Variants in RIOK2 observed in about 807,000 individuals in gnomAD.
RIOK2 encodes RIO kinase 2, also known as serine/threonine-protein kinase RIO2.
In RIOK2, 46 loss-of-function variants were observed where a neutral mutation model predicts 62.4. The observed-to-expected ratio is 0.74, with a 90% CI of 0.58 to 0.94. The LOEUF (loss-of-function observed/expected upper bound fraction) is 0.94. RIOK2 is among the 40% of genes least tolerant of loss of function. The pLI is 0.00. For missense variants in RIOK2, 574 were observed against 658.0 expected (o/e 0.87, Z 1.40); for synonymous variants, 197 against 216.0 (o/e 0.91, Z 0.77).
chr5:97,174,379 C>T (rs956950335), intron 4 of RIOK2, among the ~76,000 whole-genome samples: 3 of 152,182 alleles, frequency 2.0e-5, no homozygotes, highest in Admixed American at 2.0e-4. Flanking sequence ...GATATCGTGC[C>T]ACTGCATTCT....
intron 7 of RIOK2, among the ~76,000 whole-genome samples, chr5:97,168,250 T>C (rs1280727088): frequency 1.3e-5 from 2 of 152,238 alleles, no homozygotes; most frequent in Non-Finnish European, 2.9e-5. Context: ...CCTCAGCTTA[T>C]GTTTATTAAC....
At chr5:97,182,780 G>GT (rs1409325916) in intron 1 of RIOK2, 8 of 34,290 alleles carry the variant, frequency 2.3e-4, no homozygotes, top group African/African-American at 4.9e-4. Context: ...TCAAATCTCG[G>GT]GGGGGGGGGG....
intron 8 of RIOK2, chr5:97,166,247 A>G (rs1415670283): frequency 6.7e-6 from 3 of 449,980 alleles, no homozygotes; most frequent in South Asian, 4.7e-5. Context: ...TGAAGAATCC[A>G]GTCTAATACA....
At chr5:97,164,829 G>T in intron 9 of RIOK2, 1 of 348,488 alleles carries the variant, frequency 2.9e-6, no homozygotes, top group Non-Finnish European at 5.1e-6. Context: ...AAGTCATTTG[G>T]CCTTCATTTT....
At chr5:97,166,378 G>A in intron 8 of RIOK2, 1 of 437,194 alleles carries the variant, frequency 2.3e-6, no homozygotes, top group Admixed American at 2.6e-5. Flanking sequence ...ACAGCTATAT[G>A]AAAAAGGAAC....
At chr5:97,178,882 TG>T in intron 2 of RIOK2, 172 bp downstream of exon 2, 1 of 718,182 alleles carries the variant, frequency 1.4e-6, no homozygotes, top group Non-Finnish European at 2.4e-6. Flanking sequence ...TCCTTTGATC[TG>T]GGTGTGCCCT....
rs1561523765 is a variant in RIOK2, at chr5:97,183,186, C to T, written c.6G>A (p.Gly2=). 2.5e-6 allele frequency: 4 copies of T among 1,614,146 alleles called. No individual in the cohort carries two copies. Among genetic ancestry groups the T allele is most frequent in the Non-Finnish European group, 3.4e-6 (4 of 1,179,980 alleles). ...AACGCAACTTGGCCACATTCACTTT[C>T]CCCATGGCGGCCCCAGTCCGAACCC... is the stretch of plus-strand genomic sequence containing the variant. M[G]KVNVAKLRYM... is the part of the protein sequence containing the mutation. The change falls in exon 1 of 10, where the codon GGG becomes GGA. Residue 2 remains glycine, a synonymous_variant. Coordinates refer to ENST00000283109, the MANE Select transcript of RIOK2 (RefSeq NM_018343.3).
chr5:97,170,576 T>G (rs1169313552), intron 6 of RIOK2, among the ~76,000 whole-genome samples: 8 of 152,320 alleles, frequency 5.3e-5, no homozygotes, highest in Middle Eastern at 3.4e-3. Flanking sequence ...TCCCTACTTT[T>G]ACCTGTTTTA....
chr5:97,180,030 AT>A (rs1749328585), intron 1 of RIOK2, among the ~76,000 whole-genome samples: 2 of 71,264 alleles, frequency 2.8e-5, no homozygotes, highest in African/African-American at 5.3e-5. Context: ...TATATATAAT[AT>A]ATATATTATA....
At chr5:97,170,586 A>G (rs1036433325) in intron 6 of RIOK2, among the ~76,000 whole-genome samples, 2 of 152,326 alleles carry the variant, frequency 1.3e-5, no homozygotes, top group African/African-American at 4.8e-5. Context: ...TACCTGTTTT[A>G]ACAATTGGTC....
chr5:97,178,782 G>A (rs1749252726), intron 2 of RIOK2: 2 of 447,844 alleles, frequency 4.5e-6, no homozygotes, highest in Non-Finnish European at 8.0e-6. Flanking sequence ...TACTCTACAT[G>A]CTCTTCTGCA....
At chr5:97,168,094 A>G (rs1421863333) in intron 7 of RIOK2, 103 bp from the exon 8 acceptor site, 3 of 1,160,348 alleles carry the variant, frequency 2.6e-6, no homozygotes, top group Admixed American at 3.1e-5. Flanking sequence ...TGAGTTTAAT[A>G]GCTTATATGT....
At chr5:97,173,514 C>T (rs936156704) in intron 4 of RIOK2, among the ~76,000 whole-genome samples, 33 of 152,060 alleles carry the variant, frequency 2.2e-4, no homozygotes, top group African/African-American at 7.0e-4. Context: ...AAATGTTATG[C>T]ACTGTGCTGG....
chr5:97,171,174 A>G, intron 6 of RIOK2, 32 bp downstream of exon 6: 1 of 1,328,076 alleles, frequency 7.5e-7, no homozygotes, highest in Non-Finnish European at 9.8e-7. Context: ...AAAATAAAAT[A>G]AAATAAAAAT....
At chr5:97,181,270 C>CAAAAA (rs149948595) in intron 1 of RIOK2, among the ~76,000 whole-genome samples, 1 of 90,550 alleles carries the variant, frequency 1.1e-5, no homozygotes, top group East Asian at 3.6e-4. Context: ...GACTCCGTCT[C>CAAAAA]AAAAAAAAAA....
At position 97,163,096 on chromosome 5, in the gene RIOK2, A is replaced by T. The variant is rs184671200; in HGVS notation, c.1624T>A (p.Ser542Thr). ...QRRENMQNIK[S>T]SLEAASFWGE is the part of the protein sequence containing the mutation. ...CAAAAGCTGGCTGCTTCCAAACTTG[A>T]TTTGATATTTTGCATGTTTTCCCTA... is the stretch of plus-strand genomic sequence containing the variant. The change falls in exon 10 of 10, where the codon TCA (serine) becomes ACA (threonine). Residue 542 changes from serine to threonine, a missense_variant. Transcript: ENST00000283109. 1.5e-5 allele frequency: 25 copies of T among 1,613,160 alleles called. No homozygotes were observed. In the Admixed American group the frequency reaches 3.0e-4, roughly 19 times the overall value.
intron 8 of RIOK2, among the ~76,000 whole-genome samples, chr5:97,165,388 C>T (rs932618429): frequency 1.2e-4 from 19 of 152,138 alleles, no homozygotes; most frequent in African/African-American, 3.9e-4. Context: ...CAGTAGAATG[C>T]TTAAGCCATT....
intron 7 of RIOK2, 145 bp downstream of exon 7, chr5:97,168,615 A>C: frequency 6.8e-6 from 3 of 441,126 alleles, no homozygotes; most frequent in Non-Finnish European, 8.2e-6. Flanking sequence ...TTTAAGTTTC[A>C]GTTATGTACT....
chr5:97,166,984 T>C (rs1748860279), intron 8 of RIOK2: 1 of 648,626 alleles, frequency 1.5e-6, no homozygotes, highest in Non-Finnish European at 1.9e-6. Flanking sequence ...GGTACGATCT[T>C]TGGCTTACTG....
Sources: allele counts gnomAD v4.1 joint callset (sites outside exome capture counted in the v4.1 genomes callset), GRCh38; gene constraint gnomAD v4.1.1; transcripts MANE v1.5; gene names NCBI Gene and HGNC (gene_info 2026-07-23, HGNC 2026-07-21).